The following BCL2L1 variants were observed in gnomAD, a reference collection of about 807,000 sequenced individuals.
BCL2L1 encodes bcl-2-like protein 1.
A neutral mutation model predicts 18.7 loss-of-function variants in BCL2L1; 1 was observed. The ratio of observed to expected loss-of-function variants is 0.05; its 90% CI spans 0.02 to 0.25. The LOEUF (loss-of-function observed/expected upper bound fraction) is 0.25. Among genes scored for constraint, BCL2L1 ranks in the 10% least tolerant of loss-of-function variants. The pLI, the probability that BCL2L1 is intolerant of heterozygous loss-of-function variation, is 1.00. For missense variants in BCL2L1, 207 were observed against 304.9 expected, an observed-to-expected ratio of 0.68 and a Z score of 2.39; for synonymous variants, 103 against 122.7, an observed-to-expected ratio of 0.84 and a Z score of 1.06.
chr20:31,687,009 T>G (rs1372754511), intron 2 of BCL2L1, among the ~76,000 whole-genome samples: 1 of 152,130 alleles, frequency 6.6e-6, no homozygotes. Flanking sequence ...CAAGAAGGAT[T>G]ATTGTGAAGA....
chr20:31,689,804 T>C (rs922241197), intron 2 of BCL2L1, among the ~76,000 whole-genome samples: 1 of 152,070 alleles, frequency 6.6e-6, no homozygotes, highest in Non-Finnish European at 1.5e-5. Context: ...TCACTTGAGG[T>C]TGGGAGTTCA....
chr20:31,708,349 C>T (rs1266840359), intron 2 of BCL2L1, among the ~76,000 whole-genome samples: 4 of 152,206 alleles, frequency 2.6e-5, no homozygotes, highest in Non-Finnish European at 5.9e-5. Context: ...ACATGTGATA[C>T]AGTGTATGTC....
intron 2 of BCL2L1, among the ~76,000 whole-genome samples, chr20:31,699,400 T>C (rs1450356559): frequency 6.6e-6 from 1 of 152,094 alleles, no homozygotes; most frequent in African/African-American, 2.4e-5. Context: ...GCAGCTGAGA[T>C]GGTAAAAGCA....
chr20:31,675,097 G>A (rs976143393), intron 2 of BCL2L1, among the ~76,000 whole-genome samples: 2 of 152,128 alleles, frequency 1.3e-5, no homozygotes, highest in Non-Finnish European at 2.9e-5. Flanking sequence ...AAACCCTTCC[G>A]TCCTGGCTTC....
rs2060668074 is a variant in BCL2L1 at position 31,671,528 on chromosome 20, C to T, written c.565-5442G>A. On this transcript the variant is annotated intron_variant, in intron 2 of 2. Coordinates refer to ENST00000307677, the MANE Select transcript of BCL2L1 (RefSeq NM_138578.3). The stretch of plus-strand genomic sequence containing the variant: ...CCATTTTGGAGTCCCCTCTTCCCTG[C>T]TCATCCCTCCCCAACCTCTGGGATG... 3.3e-5 allele frequency among the ~76,000 whole-genome samples: 5 copies of T among 152,136 alleles called. No homozygotes were observed. The South Asian group carries it at 1.0e-3, about 32-fold the overall frequency.
At chr20:31,712,338 T>TA (rs1340540622) in intron 2 of BCL2L1, among the ~76,000 whole-genome samples, 8 of 152,216 alleles carry the variant, frequency 5.3e-5, no homozygotes, top group Non-Finnish European at 1.0e-4. Context: ...AACCTCTCTG[T>TA]ACCTCAGTTT....
chr20:31,709,376 G>T (rs1037578301), intron 2 of BCL2L1, among the ~76,000 whole-genome samples: 1 of 152,168 alleles, frequency 6.6e-6, no homozygotes, highest in African/African-American at 2.4e-5. Flanking sequence ...TGGTGTGTGT[G>T]TGTGTGGCAG....
At chr20:31,675,020 G>GCTC (rs2060736985) in intron 2 of BCL2L1, among the ~76,000 whole-genome samples, 1 of 152,150 alleles carries the variant, frequency 6.6e-6, no homozygotes, top group Admixed American at 6.5e-5. Flanking sequence ...ATAAGCACTG[G>GCTC]CTCCTGCCAG....
At chr20:31,712,250 C>T (rs1045173180) in intron 2 of BCL2L1, among the ~76,000 whole-genome samples, 6 of 152,148 alleles carry the variant, frequency 3.9e-5, no homozygotes, top group East Asian at 3.9e-4. Context: ...CACAGTGGAG[C>T]GTTTAAAAGG....
chr20:31,711,305 T>C (rs1338187304), intron 2 of BCL2L1, among the ~76,000 whole-genome samples: 1 of 152,230 alleles, frequency 6.6e-6, no homozygotes, highest in Non-Finnish European at 1.5e-5. Flanking sequence ...CTTTGTGTTA[T>C]GCCACCAGCA....
intron 2 of BCL2L1, among the ~76,000 whole-genome samples, chr20:31,706,340 C>A (rs1213475042): frequency 1.3e-5 from 2 of 152,192 alleles, no homozygotes; most frequent in African/African-American, 4.8e-5. Context: ...CAGAAGGCAA[C>A]CCATGGCTAA....
chr20:31,680,677 A>G (rs938036558), intron 2 of BCL2L1, among the ~76,000 whole-genome samples: 1 of 152,234 alleles, frequency 6.6e-6, no homozygotes, highest in Non-Finnish European at 1.5e-5. Flanking sequence ...CAGTCATTCA[A>G]CAAATCTTCA....
chr20:31,708,745 G>A (rs1015245817), intron 2 of BCL2L1, among the ~76,000 whole-genome samples: 3 of 152,188 alleles, frequency 2.0e-5, no homozygotes, highest in African/African-American at 7.2e-5. Context: ...AGGAGCTGTG[G>A]GGCAGGGAAG....
Position 31,717,161 on chromosome 20 carries a change from A to T in BCL2L1, c.564+4494T>A, listed in dbSNP as rs542970813. Among the ~76,000 whole-genome samples the T allele has an allele frequency of 4.6e-5, 7 of 152,246 alleles. No individual in the cohort carries two copies. In the East Asian group the frequency reaches 1.4e-3, roughly 29 times the overall value. ...TTACCCCTATGTCTATCCACATTAA[A>T]CTCAGGCAAAACCACAGTTGCTTCA... is the stretch of plus-strand genomic sequence containing the variant. On this transcript the variant is annotated intron_variant, in intron 2 of 2. Transcript: ENST00000307677.
At chr20:31,676,039 G>C (rs1252955893) in intron 2 of BCL2L1, among the ~76,000 whole-genome samples, 1 of 152,160 alleles carries the variant, frequency 6.6e-6, no homozygotes, top group Non-Finnish European at 1.5e-5. Context: ...ACCTCCGCTG[G>C]GGAATCGAGA....
intron 2 of BCL2L1, among the ~76,000 whole-genome samples, chr20:31,679,163 G>C (rs1353098787): frequency 2.6e-5 from 4 of 152,172 alleles, no homozygotes; most frequent in Non-Finnish European, 5.9e-5. Flanking sequence ...AGAACAGTAA[G>C]ATGCCTGAGA....
intron 2 of BCL2L1, chr20:31,720,926 A>C: frequency 1.0e-6 from 1 of 985,446 alleles, no homozygotes; most frequent in Non-Finnish European, 1.2e-6. Flanking sequence ...ACCCCAGGCA[A>C]TGAGGTGCAA....
intron 2 of BCL2L1, among the ~76,000 whole-genome samples, chr20:31,710,608 A>T (rs1339729350): frequency 6.6e-6 from 1 of 152,168 alleles, no homozygotes; most frequent in Non-Finnish European, 1.5e-5. Context: ...CTGAGGGTGG[A>T]GGCCTCTGGG....
At chr20:31,694,200 T>C (rs1249783606) in intron 2 of BCL2L1, among the ~76,000 whole-genome samples, 1 of 152,086 alleles carries the variant, frequency 6.6e-6, no homozygotes, top group African/African-American at 2.4e-5. Flanking sequence ...CTTGGTGACC[T>C]GATACATGTG....
Sources: allele counts gnomAD v4.1 joint callset (sites outside exome capture counted in the v4.1 genomes callset), GRCh38; gene constraint gnomAD v4.1.1; transcripts MANE v1.5; gene names NCBI Gene and HGNC (gene_info 2026-07-23, HGNC 2026-07-21).